The following SYNE2 variants were observed in gnomAD, a reference collection of about 807,000 sequenced individuals.
SYNE2 encodes the protein nesprin-2.
SYNE2 carries 431 observed loss-of-function variants against 856.3 expected under a neutral mutation model. The ratio of observed to expected loss-of-function variants is 0.50; its 90% confidence interval spans 0.47 to 0.55. SYNE2 has a LOEUF of 0.55. Among genes scored for constraint, SYNE2 ranks in the 20% least tolerant of loss-of-function variants. The pLI is 0.00. For missense variants in SYNE2, 8,129 were observed against 8,023.2 expected (o/e 1.01, Z -0.50); for synonymous variants, 2,923 against 2,872.3 (o/e 1.02, Z -0.56).
chr14:64,204,963 C>T (rs943514266), intron 100 of SYNE2, among the ~76,000 whole-genome samples: 1 of 152,140 alleles, frequency 6.6e-6, no homozygotes, highest in African/African-American at 2.4e-5. Flanking sequence ...CATTGCTTGG[C>T]TCACATGCGC....
At chr14:63,902,562 A>C (rs2095352713) in intron 1 of SYNE2, among the ~76,000 whole-genome samples, 1 of 152,192 alleles carries the variant, frequency 6.6e-6, no homozygotes, top group Non-Finnish European at 1.5e-5. Context: ...TTACCTGGGC[A>C]CAGCCGCTGT....
At chr14:63,886,923 G>C (rs753803202) in intron 1 of SYNE2, among the ~76,000 whole-genome samples, 2 of 152,136 alleles carry the variant, frequency 1.3e-5, no homozygotes, top group African/African-American at 2.4e-5. Context: ...GCTTCCTAAA[G>C]TGTTGGGATT....
At chr14:64,149,564 A>T (rs1272460707) in intron 84 of SYNE2, among the ~76,000 whole-genome samples, 1 of 152,208 alleles carries the variant, frequency 6.6e-6, no homozygotes, top group East Asian at 1.9e-4. Context: ...ATAGTTGAAT[A>T]GAGTGGGGAG....
intron 65 of SYNE2, among the ~76,000 whole-genome samples, chr14:64,109,951 A>G (rs1190035348): frequency 6.6e-6 from 1 of 152,254 alleles, no homozygotes; most frequent in Non-Finnish European, 1.5e-5. Context: ...GACCCGTATT[A>G]CAACCAAGGA....
At chr14:64,050,593 G>GT (rs2097218132) in intron 47 of SYNE2, among the ~76,000 whole-genome samples, 1 of 152,124 alleles carries the variant, frequency 6.6e-6, no homozygotes, top group Admixed American at 6.5e-5. Flanking sequence ...TAGTTAAATA[G>GT]TTTGGTATAT....
At chr14:63,984,505 C>A (rs974593300) in intron 18 of SYNE2, among the ~76,000 whole-genome samples, 5 of 152,136 alleles carry the variant, frequency 3.3e-5, no homozygotes, top group Non-Finnish European at 7.4e-5. Flanking sequence ...TTTAGGCTAG[C>A]CCCTGGCCTC....
In SYNE2 at chr14:63,983,870, A is replaced by G. The variant is rs1290213396; in HGVS notation, c.2135A>G (p.Tyr712Cys). 6.5e-7 allele frequency: 1 copy of G among 1,549,310 alleles called. No homozygotes were observed. The highest frequency in any genetic ancestry group is 1.1e-5 in the South Asian group (1 of 87,658). Residue 712 changes from tyrosine (Y) to cysteine (C), a missense_variant, in exon 18 of 116, where the codon TAT becomes TGT. Coordinates refer to ENST00000555002, the MANE Select transcript of SYNE2 (RefSeq NM_182914.3). ...ATGTCAGTAGAACTTCCTGAAAATTATAATCAAAATATAAAGGTAAAATAA... is the reference window on the plus strand; with the variant it reads ...ATGTCAGTAGAACTTCCTGAAAATTGTAATCAAAATATAAAGGTAAAATAA... ...TDMSVELPEN[Y>C]NQNIKAGEKH... is the part of the protein sequence containing the mutation.
intron 51 of SYNE2, 121 bp from the exon 52 acceptor site, chr14:64,070,524 G>C (rs2097397527): frequency 2.5e-6 from 2 of 791,736 alleles, no homozygotes; most frequent in Non-Finnish European, 4.0e-6. Context: ...TAGGAAAACA[G>C]ACTAGGATAT....
At chr14:63,855,973 C>T (rs1286974234) in intron 1 of SYNE2, among the ~76,000 whole-genome samples, 1 of 152,104 alleles carries the variant, frequency 6.6e-6, no homozygotes, top group Admixed American at 6.6e-5. Context: ...TTAACTGAGA[C>T]TTGAAGATGA....
chr14:64,012,987 G>A (rs955196716), intron 32 of SYNE2, among the ~76,000 whole-genome samples: 1 of 152,136 alleles, frequency 6.6e-6, no homozygotes, highest in Non-Finnish European at 1.5e-5. Flanking sequence ...TGGTGACAAA[G>A]TTCTACTCTC....
chr14:64,026,182 GTT>G (rs1269180291), intron 41 of SYNE2, among the ~76,000 whole-genome samples: 1 of 152,190 alleles, frequency 6.6e-6, no homozygotes, highest in African/African-American at 2.4e-5. Context: ...AGAAACAAGA[GTT>G]GACATGAGGG....
chr14:64,108,357 TA>T (rs1309256499), intron 65 of SYNE2, among the ~76,000 whole-genome samples: 1 of 151,042 alleles, frequency 6.6e-6, no homozygotes, highest in Admixed American at 6.6e-5. Context: ...CTCTGTCTTT[TA>T]AAAAAATGTA....
intron 11 of SYNE2, among the ~76,000 whole-genome samples, chr14:63,974,941 C>G (rs530657468): frequency 4.2e-5 from 5 of 118,682 alleles, no homozygotes; most frequent in African/African-American, 1.4e-4. Context: ...GGGTCTCACT[C>G]TGTCGCCCAG....
intron 1 of SYNE2, among the ~76,000 whole-genome samples, chr14:63,877,916 C>G (rs894002538): frequency 8.0e-5 from 12 of 150,846 alleles, no homozygotes; most frequent in African/African-American, 1.2e-4. Context: ...GAGACAGGGT[C>G]TCATTCTGTT....
chr14:63,930,450 A>G lies in SYNE2; in HGVS notation c.80-10164A>G, dbSNP rs533275875. ...GGAGACCTTCTGGGTTTGTGAACAC[A>G]TTCATGTGCTGGGACCCTTCCAGAC... On this transcript the variant is annotated intron_variant, in intron 2 of 115. Coordinates refer to ENST00000555002, the MANE Select transcript of SYNE2 (RefSeq NM_182914.3). Among the ~76,000 whole-genome samples, 171 of 152,030 alleles carry G rather than the reference A, an allele frequency of 1.1e-3. 1 individual carries two copies. Among genetic ancestry groups the G allele is most frequent in the Non-Finnish European group, 2.0e-3 (139 of 67,982 alleles).
intron 106 of SYNE2, 43 bp downstream of exon 106, chr14:64,214,513 G>C: frequency 6.3e-7 from 1 of 1,575,244 alleles, no homozygotes; most frequent in Non-Finnish European, 8.6e-7. Context: ...GACCCGTTTG[G>C]CTATGTTTTT....
intron 112 of SYNE2, 48 bp downstream of exon 112, chr14:64,221,752 C>T (rs1294989718): frequency 1.9e-6 from 3 of 1,607,102 alleles, no homozygotes; most frequent in Non-Finnish European, 2.6e-6. Flanking sequence ...CTCTGTCAGC[C>T]CCAGAGAGGC....
chr14:63,822,977 A>C (rs1465345236), intron 1 of SYNE2, among the ~76,000 whole-genome samples: 1 of 151,952 alleles, frequency 6.6e-6, no homozygotes. Flanking sequence ...GGTGGCATGC[A>C]CCTGTAGTCC....
At chr14:64,219,435 G>C in intron 110 of SYNE2, 25 bp downstream of exon 110, 6 of 1,610,336 alleles carry the variant, frequency 3.7e-6, no homozygotes, top group Non-Finnish European at 5.1e-6. Flanking sequence ...TGGTGGGGAA[G>C]AGGGATTCAG....
Sources: gnomAD v4.1 joint callset for allele counts (sites outside exome capture counted in the v4.1 genomes callset) on GRCh38, gnomAD v4.1.1 for gene constraint, MANE v1.5 for transcripts, NCBI Gene and HGNC (gene_info 2026-07-23, HGNC 2026-07-21) for gene names.